The following NUP85 variants were observed in gnomAD, a reference collection of about 807,000 sequenced individuals.
NUP85 encodes nuclear pore complex protein Nup85.
NUP85 carries 23 observed loss-of-function variants against 92.8 expected under a neutral mutation model. The observed-to-expected ratio is 0.25, with a 90% CI of 0.18 to 0.35. The LOEUF (loss-of-function observed/expected upper bound fraction) is 0.35, where lower values mean the gene tolerates loss of function less well. Among genes scored for constraint, NUP85 ranks in the 10% least tolerant of loss-of-function variants. The pLI is 1.00. For synonymous variants in NUP85, 314 were observed against 306.9 expected (o/e 1.02, Z -0.24); for missense variants, 759 against 822.8 (o/e 0.92, Z 0.95).
intron 18 of NUP85, 170 bp downstream of exon 18, chr17:75,235,371 T>A: frequency 1.6e-6 from 1 of 616,886 alleles, no homozygotes; most frequent in South Asian, 2.1e-5. Flanking sequence ...AAATCAGGGA[T>A]TCTAGTGTTC....
chr17:75,231,921 C>T lies in NUP85; in HGVS notation c.1338C>T (p.Thr446=), dbSNP rs781499321. The change falls in exon 14 of 19, where the codon ACC becomes ACT. Residue 446 remains threonine (T), a synonymous_variant. Coordinates refer to ENST00000245544, the MANE Select transcript of NUP85 (RefSeq NM_024844.5). This position sits in a 1 kb window ranked among gnomAD's most constrained non-coding sequence, Gnocchi z 4.6. ...ACATTGAGCGGATACCTCTGAACAC[C>T]GAGCAGAAAGCCCTGAAGGTGCTGC... ...ELHIERIPLN[T]EQKALKVLRI... The T allele has an allele frequency of 9.3e-6, 15 of 1,614,064 alleles. No homozygotes were observed. The highest frequency in any genetic ancestry group is 1.2e-5 in the Non-Finnish European group (14 of 1,180,046).
chr17:75,234,387 G>A (rs1321203164), intron 16 of NUP85, among the ~76,000 whole-genome samples: 2 of 152,142 alleles, frequency 1.3e-5, no homozygotes, highest in Non-Finnish European at 2.9e-5. Context: ...CATGACTCTT[G>A]TTATGTATTT....
intron 1 of NUP85, 36 bp from the exon 2 acceptor site, chr17:75,208,491 T>C (rs1193201818): frequency 8.7e-7 from 1 of 1,150,458 alleles, no homozygotes. Flanking sequence ...AAGAAGAACA[T>C]TTTTCATTTT....
intron 2 of NUP85, among the ~76,000 whole-genome samples, 182 bp from the exon 3 acceptor site, chr17:75,209,641 G>C (rs2075196185): frequency 6.6e-6 from 1 of 152,020 alleles, no homozygotes; most frequent in Non-Finnish European, 1.5e-5. Flanking sequence ...ACAGGGTTTT[G>C]CTATGTTGGC....
At chr17:75,223,371 T>C (rs1484477675) in intron 7 of NUP85, among the ~76,000 whole-genome samples, 2 of 151,946 alleles carry the variant, frequency 1.3e-5, no homozygotes, top group Non-Finnish European at 2.9e-5. Flanking sequence ...CTATTTGCAT[T>C]GAGTGTATAT....
intron 6 of NUP85, 39 bp downstream of exon 6, chr17:75,215,862 C>A: frequency 6.6e-7 from 1 of 1,515,744 alleles, no homozygotes; most frequent in Non-Finnish European, 9.2e-7. Context: ...CATAGGTGTC[C>A]CCTTCCATCT....
In NUP85 at chr17:75,209,843, A is replaced by C. The variant is rs1384711945; in HGVS notation, c.148A>C (p.Ser50Arg). Residue 50 changes from serine (S) to arginine (R), a missense_variant, in exon 3 of 19, where the codon AGT becomes CGT. Coordinates refer to ENST00000245544, the MANE Select transcript of NUP85 (RefSeq NM_024844.5). ...TTCAGAAAAATCAGAGATGGTGCCA[A>C]GTTGCCCCTTTATCTATATCATCCG... is the stretch of plus-strand genomic sequence containing the variant. ...NKKEKSEMVP[S>R]CPFIYIIRKD... The C allele has an allele frequency of 6.3e-7, 1 of 1,578,776 alleles. No homozygotes were observed. Among genetic ancestry groups the C allele is most frequent in the African/African-American group, 1.4e-5 (1 of 71,812 alleles).
Position 75,234,994 on chromosome 17 carries a change from C to CT in NUP85, c.1768-105dup, listed in dbSNP as rs1384729534. The CT allele has an allele frequency of 4.2e-5, 45 of 1,066,490 alleles. No individual in the cohort carries two copies. In the African/African-American group the frequency reaches 6.8e-4, roughly 16 times the overall value. 66.1% of individuals were successfully genotyped at this position (1,066,490 alleles called of 1,614,324 possible). Reference sequence around the variant, plus strand: ...ATGAGGTATTCGTATACAAAGCACACTATTGCGAAGGGTATGAAAGGAAGA... The same window carrying CT: ...ATGAGGTATTCGTATACAAAGCACACTTATTGCGAAGGGTATGAAAGGAAGA... On this transcript the variant is annotated intron_variant, in intron 17 of 18. Coordinates refer to ENST00000245544, the MANE Select transcript of NUP85 (RefSeq NM_024844.5).
chr17:75,209,371 C>G (rs1050979416), intron 2 of NUP85, among the ~76,000 whole-genome samples: 1 of 151,490 alleles, frequency 6.6e-6, no homozygotes, highest in Non-Finnish European at 1.5e-5. Context: ...GAATCTTTTT[C>G]TTTTCCTGAT....
At chr17:75,215,206 G>C (rs1163063738) in intron 5 of NUP85, among the ~76,000 whole-genome samples, 1 of 152,112 alleles carries the variant, frequency 6.6e-6, no homozygotes, top group African/African-American at 2.4e-5. Context: ...TGACATGCAA[G>C]TTATATTTTT....
chr17:75,230,366 T>TG (rs979327752), intron 11 of NUP85, among the ~76,000 whole-genome samples: 1 of 150,176 alleles, frequency 6.7e-6, no homozygotes, highest in African/African-American at 2.5e-5. Context: ...TTTTTTGTTT[T>TG]TTTTTTTTTT....
chr17:75,221,497 A>G (rs1054946713), intron 7 of NUP85, among the ~76,000 whole-genome samples: 3 of 152,070 alleles, frequency 2.0e-5, no homozygotes, highest in African/African-American at 4.8e-5. Context: ...TGGCCTCCCA[A>G]AGTATTGGGA....
rs1395458963 is a variant in NUP85, at chr17:75,208,634, TC to T, written c.127+15del. On this transcript the variant is annotated intron_variant, in intron 2 of 18. Transcript: ENST00000245544. Reference sequence around the variant, plus strand: ...TCAACAAAAAAGGTAGGGTTTTTTTTCTTCCAAATTATCCATCTTGGCACAT... The same window carrying T: ...TCAACAAAAAAGGTAGGGTTTTTTTTTTCCAAATTATCCATCTTGGCACAT... 6.9e-7 allele frequency: 1 copy of T among 1,441,436 alleles called. No homozygotes were observed. The highest frequency in any genetic ancestry group is 2.3e-5 in the East Asian group (1 of 44,068). The allele number at this position is 1,441,436 out of a possible 1,614,324, so 89.3% of individuals were successfully genotyped here. A position where few individuals can be genotyped will look rare whatever the true frequency, so the allele number is the denominator to read the frequency against.
At chr17:75,225,030 G>A (rs945708988) in intron 7 of NUP85, 73 bp from the exon 8 acceptor site, 15 of 1,468,038 alleles carry the variant, frequency 1.0e-5, no homozygotes, top group Non-Finnish European at 1.4e-5. Context: ...TGTGGGGTGA[G>A]GGGACTGGCC....
At chr17:75,234,598 G>T (rs370744021) in intron 16 of NUP85, 39 bp from the exon 17 acceptor site, 29 of 1,607,116 alleles carry the variant, frequency 1.8e-5, no homozygotes, top group Non-Finnish European at 2.5e-5. Context: ...GCAATTTGGG[G>T]GAATATGCAG....
chr17:75,212,115 T>TG, intron 4 of NUP85, 53 bp downstream of exon 4: 4 of 997,112 alleles, frequency 4.0e-6, no homozygotes, highest in African/African-American at 3.1e-5. Flanking sequence ...TGTGTGGGTA[T>TG]TTTGAGTATT....
chr17:75,228,721 T>TC, intron 11 of NUP85: 1 of 985,450 alleles, frequency 1.0e-6, no homozygotes. Flanking sequence ...TTCTTTTTTT[T>TC]CCTTTCCTGT....
At chr17:75,234,939 A>T in intron 17 of NUP85, 151 bp downstream of exon 17, 1 of 1,090,396 alleles carries the variant, frequency 9.2e-7, no homozygotes, top group Non-Finnish European at 1.4e-6. Context: ...TTCCAGACTC[A>T]CACAGGAAAC....
chr17:75,232,864 T>C lies in NUP85; in HGVS notation c.1410T>C (p.Cys470=), dbSNP rs759741322. The change falls in exon 15 of 19, where the codon TGT becomes TGC. Residue 470 remains cysteine, a synonymous_variant. Coordinates refer to ENST00000245544, the MANE Select transcript of NUP85 (RefSeq NM_024844.5). ...TCCCCTGCAAAGTTCGCAGCATTTG[T>C]AAGATCTTAGCCATGAAAGCCGTCC... ...RQMTEQVRSI[C]KILAMKAVRN... 6.2e-7 allele frequency: 1 copy of C among 1,614,200 alleles called. No individual in the cohort carries two copies. The highest frequency in any genetic ancestry group is 1.7e-5 in the Admixed American group (1 of 60,028).
Sources: allele counts gnomAD v4.1 joint callset (sites outside exome capture counted in the v4.1 genomes callset), GRCh38; gene constraint gnomAD v4.1.1; non-coding constraint Gnocchi (gnomAD v3.1); transcripts MANE v1.5; gene names NCBI Gene and HGNC (gene_info 2026-07-23, HGNC 2026-07-21).